SCUBE3: variants seen among roughly 807,000 people sequenced by gnomAD.
The protein encoded by SCUBE3 is signal peptide, CUB domain and EGF like domain containing 3.
In SCUBE3, 33 loss-of-function variants were observed where a neutral mutation model predicts 116.8. The observed-to-expected ratio is 0.28, with a 90% CI of 0.21 to 0.38. The LOEUF (loss-of-function observed/expected upper bound fraction) is 0.38, where lower values mean the gene tolerates loss of function less well. SCUBE3 is among the 10% of genes least tolerant of loss of function. The pLI, the probability that SCUBE3 is intolerant of heterozygous loss-of-function variation, is 1.00. For missense variants in SCUBE3, 1,007 were observed against 1,324.8 expected (o/e 0.76, Z 3.72); for synonymous variants, 418 against 496.9 (o/e 0.84, Z 2.11).
At position 35,252,561 on chromosome 6, in the gene SCUBE3, A is replaced by G. The variant is rs146927831; in HGVS notation, c.*3856A>G. On this transcript the variant is annotated 3_prime_UTR_variant, in exon 22 of 22. Transcript: ENST00000274938. ...CAAACAAGGGGTACCAAGACAAAGT[A>G]TAACTGAGCATAAGCAGAAAATGTT... The G allele has an allele frequency of 1.0e-3, 153 of 152,370 alleles. 1 individual carries two copies. The highest frequency in any genetic ancestry group is 3.4e-3 in the African/African-American group (143 of 41,580). 9.4% of individuals were successfully genotyped at this position (152,370 alleles called of 1,614,324 possible).
At chr6:35,247,958 A>C (rs1307985224) in intron 21 of SCUBE3, among the ~76,000 whole-genome samples, 1 of 152,250 alleles carries the variant, frequency 6.6e-6, no homozygotes, top group Admixed American at 6.5e-5. Flanking sequence ...GCTAAGGAGC[A>C]TGGGAGCAAT....
rs771538644 is a variant in SCUBE3, at chr6:35,214,501, A to G, written c.83A>G (p.Gln28Arg). 30 of 1,487,010 alleles carry G rather than the reference A, an allele frequency of 2.0e-5. No homozygotes were observed. The highest frequency in any genetic ancestry group is 2.6e-5 in the Non-Finnish European group (29 of 1,119,948). 92.1% of individuals were successfully genotyped at this position (1,487,010 alleles called of 1,614,324 possible). The part of the protein sequence containing the change: ...ARAAQYSKAA[Q>R]DVDECVEGTD... ...GCCGCCCAGTACAGCAAAGCCGCGC[A>G]AGGTAAGGAAGGAGGGGCGCGCGGC... The change falls in exon 1 of 22, where the codon CAA becomes CGA. Residue 28 changes from glutamine (Q) to arginine (R), a missense_variant and splice_region_variant. Gln to Arg is a conservative substitution (Grantham distance 43). This residue lies in a region of SCUBE3 where 94 missense variants were observed against 92.0 expected (regional missense o/e 1.02). Coordinates refer to ENST00000274938, the MANE Select transcript of SCUBE3 (RefSeq NM_152753.4). This position sits in a 1 kb window ranked among gnomAD's most constrained non-coding sequence, Gnocchi z 6.3.
chr6:35,244,852 C>T lies in SCUBE3; in HGVS notation c.2401+41C>T, dbSNP rs772150374. ...GGCTGTGCAAAAGGGAGGAGAGAGGCCTGGGAGCAGTGGACATCTAAAGGA... is the reference window on the plus strand; with the variant it reads ...GGCTGTGCAAAAGGGAGGAGAGAGGTCTGGGAGCAGTGGACATCTAAAGGA... On this transcript the variant is annotated intron_variant, in intron 18 of 21. Coordinates refer to ENST00000274938, the MANE Select transcript of SCUBE3 (RefSeq NM_152753.4). This position sits in a 1 kb window ranked among gnomAD's most constrained non-coding sequence, Gnocchi z 4.3. 4 of 1,598,272 alleles carry T rather than the reference C, an allele frequency of 2.5e-6. No homozygotes were observed. Among genetic ancestry groups the T allele is most frequent in the Middle Eastern group, 1.7e-4 (1 of 6,008 alleles).
At position 35,231,899 on chromosome 6, in the gene SCUBE3, C is replaced by A. The variant is rs755745894; in HGVS notation, c.469+40C>A. 1 of 1,564,068 alleles carries A rather than the reference C, an allele frequency of 6.4e-7. No individual in the cohort carries two copies. The highest frequency in any genetic ancestry group is 2.3e-5 in the East Asian group (1 of 43,756). On this transcript the variant is annotated intron_variant, in intron 4 of 21. Coordinates refer to ENST00000274938, the MANE Select transcript of SCUBE3 (RefSeq NM_152753.4). The surrounding 1 kb of genome is among the most constrained non-coding windows in gnomAD (Gnocchi z 4.2). ...TGGGATGGCCCCATCCCTGCCCTCC[C>A]CAGGCTTCTCTTCCCAGCTGTCCCT...
chr6:35,245,911 G>A lies in SCUBE3; in HGVS notation c.2600-33G>A. The A allele has an allele frequency of 6.2e-7, 1 of 1,610,674 alleles. No individual in the cohort carries two copies. The stretch of plus-strand genomic sequence containing the variant: ...TAGGAGGGCTTGGGTAGCCTGCCCT[G>A]CTGCTCTACTGACCTGCTGCTTGCC... On this transcript the variant is annotated intron_variant, in intron 19 of 21. Transcript: ENST00000274938. The surrounding 1 kb of genome is among the most constrained non-coding windows in gnomAD (Gnocchi z 4.2).
Position 35,244,191 on chromosome 6 carries a change from T to C in SCUBE3, c.2239+61T>C, listed in dbSNP as rs1311852926. 3 of 1,462,784 alleles carry C rather than the reference T, an allele frequency of 2.1e-6. No individual in the cohort carries two copies. The highest frequency in any genetic ancestry group is 2.4e-5 in the East Asian group (1 of 42,028). The allele number at this position is 1,462,784 out of a possible 1,614,324, so 90.6% of individuals were successfully genotyped here. On this transcript the variant is annotated intron_variant, in intron 17 of 21. Transcript: ENST00000274938. This position sits in a 1 kb window ranked among gnomAD's most constrained non-coding sequence, Gnocchi z 4.3. ...AACCCCAACTACTCCCAAAAAACTC[T>C]CCAATTTCCCAGAGGGGACACTGAC...
intron 1 of SCUBE3, among the ~76,000 whole-genome samples, chr6:35,216,612 A>ACCTTACAG (rs1782904032): frequency 6.6e-6 from 1 of 152,174 alleles, no homozygotes; most frequent in Non-Finnish European, 1.5e-5. Flanking sequence ...AGGCGGGGCA[A>ACCTTACAG]CCTTACAGCC....
intron 21 of SCUBE3, among the ~76,000 whole-genome samples, chr6:35,247,499 A>G (rs1390977068): frequency 1.3e-5 from 2 of 151,846 alleles, no homozygotes; most frequent in Admixed American, 6.6e-5. Flanking sequence ...ATAAATTATC[A>G]CTGCAAAAAA....
At chr6:35,217,951 GAGAGTAC>G (rs111813284) in intron 1 of SCUBE3, among the ~76,000 whole-genome samples, 29 of 152,178 alleles carry the variant, frequency 1.9e-4, no homozygotes, top group African/African-American at 7.0e-4. Flanking sequence ...CTCGGGGTGG[GAGAGTAC>G]AGAGACTTTT....
rs1783743849 is a variant in SCUBE3, at chr6:35,235,761, A to C, written c.713-2141A>C. ...CCTTCCTCTTCTGCTGTCTCCTCCCACACCCACCTTCTAACACCCCACCCC... is the reference window on the plus strand; with the variant it reads ...CCTTCCTCTTCTGCTGTCTCCTCCCCCACCCACCTTCTAACACCCCACCCC... On this transcript the variant is annotated intron_variant, in intron 6 of 21. Coordinates refer to ENST00000274938, the MANE Select transcript of SCUBE3 (RefSeq NM_152753.4). The surrounding 1 kb of genome is among the most constrained non-coding windows in gnomAD (Gnocchi z 4.5). Among the ~76,000 whole-genome samples the C allele has an allele frequency of 6.6e-6, 1 of 151,322 alleles. No individual in the cohort carries two copies. The highest frequency in any genetic ancestry group is 6.6e-5 in the Admixed American group (1 of 15,210).
Position 35,245,631 on chromosome 6 carries a change from G to A in SCUBE3, c.2599+206G>A, listed in dbSNP as rs1163015263. Among the ~76,000 whole-genome samples the A allele has an allele frequency of 6.6e-6, 1 of 152,186 alleles. No individual in the cohort carries two copies. The highest frequency in any genetic ancestry group is 1.5e-5 in the Non-Finnish European group (1 of 68,038). On this transcript the variant is annotated intron_variant, in intron 19 of 21. Coordinates refer to ENST00000274938, the MANE Select transcript of SCUBE3 (RefSeq NM_152753.4). This position sits in a 1 kb window ranked among gnomAD's most constrained non-coding sequence, Gnocchi z 4.2. ...TTTGGTAGAAAACAGAGTTAAGAAA[G>A]CTAGCAGTGGGGCTAGAACTCCAAT...
chr6:35,238,612 A>G (rs1463431465), intron 7 of SCUBE3, among the ~76,000 whole-genome samples: 1 of 152,210 alleles, frequency 6.6e-6, no homozygotes, highest in African/African-American at 2.4e-5. Context: ...GTTGTGATTA[A>G]AAGAGTGATT....
chr6:35,239,494 C>A lies in SCUBE3; in HGVS notation c.830-258C>A, dbSNP rs1394457333. ...TTCCTAGTTTTGGTTCCAATTTGTC[C>A]CCTTATAAGAACACTCAATCCCAGA... On this transcript the variant is annotated intron_variant, in intron 7 of 21. Transcript: ENST00000274938. The surrounding 1 kb of genome is among the most constrained non-coding windows in gnomAD (Gnocchi z 4.1). Among the ~76,000 whole-genome samples, 1 of 152,236 alleles carries A rather than the reference C, an allele frequency of 6.6e-6. No individual in the cohort carries two copies. The highest frequency in any genetic ancestry group is 1.9e-4 in the East Asian group (1 of 5,170).
At position 35,233,328 on chromosome 6, in the gene SCUBE3, T is replaced by A. The variant is rs1445712667; in HGVS notation, c.712+27T>A. The A allele has an allele frequency of 3.2e-6, 4 of 1,252,340 alleles. No individual in the cohort carries two copies. The highest frequency in any genetic ancestry group is 1.2e-5 in the South Asian group (1 of 83,280). The allele number at this position is 1,252,340 out of a possible 1,614,324, so 77.6% of individuals were successfully genotyped here. ...TGGGTGAGGCCAGGGGAGAACTCAG[T>A]CCACCTGAGATGGGGTGGGGGTGGG... On this transcript the variant is annotated intron_variant, in intron 6 of 21. Transcript: ENST00000274938. The surrounding 1 kb of genome is among the most constrained non-coding windows in gnomAD (Gnocchi z 5.7).
intron 1 of SCUBE3, among the ~76,000 whole-genome samples, chr6:35,216,605 C>T (rs1034361514): frequency 6.6e-5 from 10 of 152,300 alleles, no homozygotes; most frequent in East Asian, 1.9e-4. Flanking sequence ...ACTGACCAGG[C>T]GGGGCAACCT....
intron 1 of SCUBE3, among the ~76,000 whole-genome samples, chr6:35,225,418 G>A (rs1032468663): frequency 6.6e-6 from 1 of 152,184 alleles, no homozygotes; most frequent in East Asian, 1.9e-4. Flanking sequence ...TACCATCTGC[G>A]AGGTCCCTCT....
In SCUBE3 at chr6:35,243,742, C is replaced by T. The variant is rs1372075478; in HGVS notation, c.2058C>T (p.Val686=). The change falls in exon 16 of 22, where the codon GTC becomes GTT. Residue 686 remains valine, a synonymous_variant. Transcript: ENST00000274938. This position sits in a 1 kb window ranked among gnomAD's most constrained non-coding sequence, Gnocchi z 6.6. The part of the protein sequence containing the change: ...DAHGPLGATN[V]TTCAGQCPPG... ...ACGGGCCTCTTGGAGCCACCAACGT[C>T]ACCACGTGTGCAGGTGCCAGGGGAA... The T allele has an allele frequency of 1.2e-6, 2 of 1,613,956 alleles. No individual in the cohort carries two copies. Among genetic ancestry groups the T allele is most frequent in the Non-Finnish European group, 1.7e-6 (2 of 1,179,940 alleles).
intron 1 of SCUBE3, among the ~76,000 whole-genome samples, chr6:35,216,342 T>TA (rs1364584917): frequency 5.9e-5 from 9 of 151,852 alleles, no homozygotes; most frequent in South Asian, 4.1e-4. Context: ...TCAAGGAACT[T>TA]AGAGTAGTTT....
chr6:35,220,374 A>G (rs1783075585), intron 1 of SCUBE3: 1 of 152,214 alleles, frequency 6.6e-6, no homozygotes, highest in South Asian at 2.1e-4. Context: ...AAATTATACG[A>G]ATCTGAAATG....
Sources: allele counts gnomAD v4.1 joint callset (sites outside exome capture counted in the v4.1 genomes callset), GRCh38; gene constraint gnomAD v4.1.1; regional missense constraint gnomAD v4.1.1; non-coding constraint Gnocchi (gnomAD v3.1); transcripts MANE v1.5; gene names NCBI Gene and HGNC (gene_info 2026-07-23, HGNC 2026-07-21).